The following COG6 variants were observed in gnomAD, a reference collection of about 807,000 sequenced individuals.
The protein encoded by COG6 is conserved oligomeric Golgi complex subunit 6.
In COG6, 74 loss-of-function variants were observed where a neutral mutation model predicts 88.8. The ratio of observed to expected loss-of-function variants is 0.83; its 90% CI spans 0.69 to 1.01. The LOEUF (loss-of-function observed/expected upper bound fraction) is 1.01, where lower values mean the gene tolerates loss of function less well. Among genes scored for constraint, COG6 ranks in the 50% least tolerant of loss-of-function variants. The pLI, the probability that COG6 is intolerant of heterozygous loss-of-function variation, is 0.00. For missense variants in COG6, 800 were observed against 797.9 expected (o/e 1.00, Z -0.03); for synonymous variants, 286 against 278.7 (o/e 1.03, Z -0.26).
At position 39,678,884 on chromosome 13, in the gene COG6, T is replaced by G. The variant is rs183247586; in HGVS notation, c.541-654T>G. 1.4e-3 allele frequency among the ~76,000 whole-genome samples: 205 copies of G among 151,542 alleles called. 1 individual carries two copies. Among genetic ancestry groups the G allele is most frequent in the Non-Finnish European group, 9.3e-4 (63 of 68,004 alleles). The stretch of plus-strand genomic sequence containing the variant: ...CACATATGAAATATTTGACATATCA[T>G]TTTTTCTCCCCTTGGTAGAAATTAG... On this transcript the variant is annotated intron_variant, in intron 5 of 18. Coordinates refer to ENST00000455146, the MANE Select transcript of COG6 (RefSeq NM_020751.3).
intron 4 of COG6, among the ~76,000 whole-genome samples, chr13:39,675,691 A>G (rs1307460334): frequency 1.3e-5 from 2 of 152,156 alleles, no homozygotes; most frequent in African/African-American, 4.8e-5. Context: ...TGGTTACAAC[A>G]AAATGAAACT....
At chr13:39,728,150 C>G (rs1009769464) in intron 18 of COG6, among the ~76,000 whole-genome samples, 3 of 151,962 alleles carry the variant, frequency 2.0e-5, no homozygotes, top group African/African-American at 7.3e-5. Flanking sequence ...TCTATTCAAA[C>G]AGCAGTGCAG....
In COG6 at chr13:39,751,985, G is replaced by A. The variant is rs962181605; in HGVS notation, c.*892G>A. On this transcript the variant is annotated 3_prime_UTR_variant, in exon 19 of 19. Coordinates refer to ENST00000455146, the MANE Select transcript of COG6 (RefSeq NM_020751.3). ...GAAACAATGATCTACTCAAACATTG[G>A]AGAAAAAAACTGCCAGAGGAGGAGT... The A allele has an allele frequency of 3.2e-6, 4 of 1,237,716 alleles. No individual in the cohort carries two copies. The highest frequency in any genetic ancestry group is 2.3e-5 in the Admixed American group (1 of 43,446). 76.7% of individuals were successfully genotyped at this position (1,237,716 alleles called of 1,614,324 possible).
chr13:39,719,622 T>C (rs1040998886), intron 14 of COG6, 38 bp from the exon 15 acceptor site: 12 of 1,571,100 alleles, frequency 7.6e-6, no homozygotes, highest in Middle Eastern at 1.7e-4. Context: ...CTATCAGTGA[T>C]TGAGAAATAA....
intron 18 of COG6, chr13:39,788,255 T>C: frequency 7.4e-7 from 1 of 1,342,906 alleles, no homozygotes; most frequent in Admixed American, 2.0e-5. Context: ...TCCCTGTGAA[T>C]ATGCAGGAAT....
Position 39,773,170 on chromosome 13 carries a change from C to T in COG6, c.1827-15165C>T, listed in dbSNP as rs539981055. 3.9e-5 allele frequency among the ~76,000 whole-genome samples: 6 copies of T among 152,296 alleles called. No individual in the cohort carries two copies. The South Asian group carries it at 6.2e-4, about 16-fold the overall frequency. On this transcript the variant is annotated intron_variant, in intron 18 of 18. Transcript: ENST00000416691. ...CCTAATGCCAGGAAGGGAAAAATAG[C>T]CTGTCTGTCTTCAAGGCAGCCAGAG...
chr13:39,776,090 C>A (rs4511405), intron 18 of COG6, among the ~76,000 whole-genome samples: 152,018 of 152,312 alleles, frequency 1, 75,864 homozygotes, highest in Non-Finnish European at 1. Flanking sequence ...TTTAGGCAAA[C>A]TTCTGATCAG....
chr13:39,750,724 C>G (rs1428056492), intron 18 of COG6, among the ~76,000 whole-genome samples: 1 of 151,950 alleles, frequency 6.6e-6, no homozygotes, highest in African/African-American at 2.4e-5. Flanking sequence ...CCCTCTGCAA[C>G]CTATATAGTA....
rs1876162861 is a variant in COG6, at chr13:39,679,252, C to G, written c.541-286C>G. 3 of 408,386 alleles carry G rather than the reference C, an allele frequency of 7.3e-6. No homozygotes were observed. In the South Asian group the frequency reaches 8.0e-5, roughly 11 times the overall value. 25.3% of individuals were successfully genotyped at this position (408,386 alleles called of 1,614,324 possible). A position where few individuals can be genotyped will look rare whatever the true frequency, so the allele number is the denominator to read the frequency against. ...TGCATTTCTCACTAGACTACGTACA[C>G]TTCTTGAGGACAGGGATTTTTGTCT... On this transcript the variant is annotated intron_variant, in intron 5 of 18. Transcript: ENST00000455146.
chr13:39,706,255 T>TTATATATATATATATACTCCTTTA (rs1877902463), intron 13 of COG6, among the ~76,000 whole-genome samples: 29 of 114,672 alleles, frequency 2.5e-4, no homozygotes, highest in African/African-American at 7.8e-4. Flanking sequence ...ATATACTCCT[T>TTATATATATATATATACTCCTTTA]TATATATATA....
chr13:39,760,156 C>T lies in COG6; in HGVS notation c.1827-28179C>T, dbSNP rs1484715309. Among the ~76,000 whole-genome samples, 3 of 152,232 alleles carry T rather than the reference C, an allele frequency of 2.0e-5. No homozygotes were observed. In the East Asian group the frequency reaches 5.8e-4, roughly 29 times the overall value. On this transcript the variant is annotated intron_variant, in intron 18 of 18. Coordinates refer to the COG6 transcript ENST00000416691. The stretch of plus-strand genomic sequence containing the variant: ...ATGCAAGCCAGCATCAAAAATTGGT[C>T]TCCTGTTTTGAGATTGCCCCGAGTC...
chr13:39,774,108 A>G (rs1881396303), intron 18 of COG6, among the ~76,000 whole-genome samples: 1 of 152,174 alleles, frequency 6.6e-6, no homozygotes, highest in African/African-American at 2.4e-5. Context: ...AAATGAGAGC[A>G]TGCTATTTAT....
chr13:39,701,718 C>T (rs1566186198), intron 13 of COG6, among the ~76,000 whole-genome samples: 1 of 151,868 alleles, frequency 6.6e-6, no homozygotes, highest in East Asian at 1.9e-4. Flanking sequence ...AATTTTAGTC[C>T]TGTGGTGGAG....
chr13:39,762,585 C>G (rs763483826), intron 18 of COG6, among the ~76,000 whole-genome samples: 2 of 151,620 alleles, frequency 1.3e-5, no homozygotes, highest in Non-Finnish European at 3.0e-5. Context: ...TAGATCATTA[C>G]ACATGGATAC....
At chr13:39,719,399 T>C in intron 14 of COG6, 32 bp downstream of exon 14, 1 of 1,602,866 alleles carries the variant, frequency 6.2e-7, no homozygotes, top group Non-Finnish European at 8.5e-7. Context: ...AATGATTGTT[T>C]TTTGCTCTTC....
intron 18 of COG6, among the ~76,000 whole-genome samples, chr13:39,784,147 T>C (rs1593489693): frequency 6.6e-6 from 1 of 152,316 alleles, no homozygotes; most frequent in South Asian, 2.1e-4. Context: ...CTGGAAAAGC[T>C]GTCATCACCT....
At chr13:39,710,338 C>G (rs1878170078) in intron 13 of COG6, among the ~76,000 whole-genome samples, 1 of 152,104 alleles carries the variant, frequency 6.6e-6, no homozygotes, top group Non-Finnish European at 1.5e-5. Context: ...TCTGTTTCCA[C>G]ATACCTTTAA....
chr13:39,715,003 A>G (rs569673261), intron 13 of COG6, among the ~76,000 whole-genome samples: 18 of 152,224 alleles, frequency 1.2e-4, no homozygotes, highest in African/African-American at 2.9e-4. Flanking sequence ...GAGCTAAGCT[A>G]TGGGTACACA....
chr13:39,761,397 G>T (rs1018945839), intron 18 of COG6, among the ~76,000 whole-genome samples: 8 of 151,962 alleles, frequency 5.3e-5, no homozygotes, highest in African/African-American at 1.4e-4. Flanking sequence ...ATGGATAAAA[G>T]ACTTAAATGT....
Sources: gnomAD v4.1 joint callset for allele counts (sites outside exome capture counted in the v4.1 genomes callset) on GRCh38, gnomAD v4.1.1 for gene constraint, MANE v1.5 for transcripts, NCBI Gene and HGNC (gene_info 2026-07-23, HGNC 2026-07-21) for gene names.